MYO5B: variants seen among roughly 807,000 people sequenced by gnomAD.
MYO5B encodes unconventional myosin-Vb.
Under a neutral mutation model 229.3 loss-of-function variants are expected in MYO5B, and 143 were observed. That is an observed-to-expected ratio of 0.62 (90% CI 0.54 to 0.72). MYO5B has a LOEUF of 0.72. Ranked by LOEUF, MYO5B falls within the 30% of genes least tolerant of loss-of-function variation. MYO5B has a pLI of 0.00. For synonymous variants in MYO5B, 918 were observed against 885.2 expected, an observed-to-expected ratio of 1.04 and a Z score of -0.66; for missense variants, 2,321 against 2,331.0, an observed-to-expected ratio of 1.00 and a Z score of 0.09.
At chr18:50,133,908 T>A (rs950351980) in intron 1 of MYO5B, among the ~76,000 whole-genome samples, 1 of 152,166 alleles carries the variant, frequency 6.6e-6, no homozygotes, top group Non-Finnish European at 1.5e-5. Context: ...CTTTGAGATA[T>A]CTTTAAGAGA....
chr18:49,999,457 A>G (rs992827395), intron 5 of MYO5B, among the ~76,000 whole-genome samples: 3 of 152,240 alleles, frequency 2.0e-5, no homozygotes, highest in Non-Finnish European at 2.9e-5. Flanking sequence ...CTACCAATGA[A>G]ATGTCAGAAA....
At chr18:50,061,881 T>A (rs891714639) in intron 1 of MYO5B, among the ~76,000 whole-genome samples, 3 of 152,218 alleles carry the variant, frequency 2.0e-5, no homozygotes, top group Non-Finnish European at 4.4e-5. Flanking sequence ...CTAACATAAG[T>A]AATCTTAAGT....
At chr18:50,116,040 G>T (rs1346559943) in intron 1 of MYO5B, among the ~76,000 whole-genome samples, 1 of 152,210 alleles carries the variant, frequency 6.6e-6, no homozygotes, top group Non-Finnish European at 1.5e-5. Flanking sequence ...TCTTCAGGGT[G>T]TAAGACACTA....
chr18:49,955,925 C>G (rs748874529), intron 12 of MYO5B, among the ~76,000 whole-genome samples: 2 of 152,212 alleles, frequency 1.3e-5, no homozygotes, highest in Non-Finnish European at 2.9e-5. Context: ...CTGGGGCAGA[C>G]AGAACCATGG....
At chr18:50,084,395 G>A (rs2031284414) in intron 1 of MYO5B, among the ~76,000 whole-genome samples, 1 of 152,126 alleles carries the variant, frequency 6.6e-6, no homozygotes, top group Non-Finnish European at 1.5e-5. Context: ...GCACAAAAAT[G>A]GTTATCCAGT....
intron 5 of MYO5B, among the ~76,000 whole-genome samples, chr18:49,997,105 A>C (rs2025995918): frequency 6.6e-6 from 1 of 151,840 alleles, no homozygotes; most frequent in African/African-American, 2.4e-5. Context: ...GTCTCTACTG[A>C]AAAATACAAA....
chr18:49,932,143 T>C (rs1169094865), intron 16 of MYO5B, among the ~76,000 whole-genome samples: 1 of 152,180 alleles, frequency 6.6e-6, no homozygotes, highest in African/African-American at 2.4e-5. Flanking sequence ...TCCTTAAAAG[T>C]ACTGCTCCTC....
chr18:50,074,231 A>G (rs1213500697), intron 1 of MYO5B, among the ~76,000 whole-genome samples: 2 of 152,202 alleles, frequency 1.3e-5, no homozygotes, highest in Admixed American at 6.5e-5. Flanking sequence ...CTTATTCGCT[A>G]TCATGAGAAT....
chr18:50,082,340 G>A (rs903921390), intron 1 of MYO5B, among the ~76,000 whole-genome samples: 9 of 152,176 alleles, frequency 5.9e-5, no homozygotes, highest in Non-Finnish European at 1.3e-4. Context: ...GGACCAACAG[G>A]TTGACCTGGA....
rs1299192967 is a variant in MYO5B, at chr18:49,854,633, C to T, written c.4023-986G>A. Among the ~76,000 whole-genome samples the T allele has an allele frequency of 3.3e-5, 5 of 152,166 alleles. No homozygotes were observed. The East Asian group carries it at 7.7e-4, about 23-fold the overall frequency. The stretch of plus-strand genomic sequence containing the variant: ...CCAGACATGGTTACATGGAAAAAAT[C>T]CACCCCAGTGTCTTCCAGGAATGCA... On this transcript the variant is annotated intron_variant, in intron 30 of 39. Coordinates refer to ENST00000285039, the MANE Select transcript of MYO5B (RefSeq NM_001080467.3).
Position 49,962,953 on chromosome 18 carries a change from T to C in MYO5B, c.1400A>G (p.Asn467Ser). The change falls in exon 11 of 40, where the codon AAC becomes AGC. Residue 467 changes from asparagine to serine, a missense_variant. Physicochemically the swap from Asn to Ser is conservative, Grantham distance 46 (BLOSUM62 1). Around this residue, in one of 2 missense-constraint regions of MYO5B, gnomAD observed 2,113 missense variants for 2,044.7 expected, o/e 1.03. Coordinates refer to ENST00000285039, the MANE Select transcript of MYO5B (RefSeq NM_001080467.3). ...AGGTCTAGAAACCAAGCCTACCGAG[T>C]TGAACTGCTGCTGGAGCTTTTCATT... ...YANEKLQQQFNSHVFKLEQEE... is the reference protein window; with the variant it reads ...YANEKLQQQFSSHVFKLEQEE... 1 of 1,613,810 alleles carries C rather than the reference T, an allele frequency of 6.2e-7. No individual in the cohort carries two copies. Among genetic ancestry groups the C allele is most frequent in the Non-Finnish European group, 8.5e-7 (1 of 1,179,784 alleles).
chr18:50,053,066 G>T (rs562455755), intron 2 of MYO5B, among the ~76,000 whole-genome samples: 1 of 152,200 alleles, frequency 6.6e-6, no homozygotes, highest in East Asian at 1.9e-4. Flanking sequence ...CAGCTTCAGA[G>T]GAGACTCTCT....
At position 49,904,090 on chromosome 18, in the gene MYO5B, G is replaced by A. The variant is rs376999250; in HGVS notation, c.2571+582C>T. 4.6e-5 allele frequency among the ~76,000 whole-genome samples: 7 copies of A among 152,362 alleles called. No individual in the cohort carries two copies. The East Asian group carries it at 1.3e-3, about 29-fold the overall frequency. ...GAGCAACTCAGGTATCAGAAGGGGT[G>A]TGAAAACTGCCATGATTGGATGCTG... On this transcript the variant is annotated intron_variant, in intron 20 of 39. Coordinates refer to ENST00000285039, the MANE Select transcript of MYO5B (RefSeq NM_001080467.3).
chr18:49,912,290 C>T lies in MYO5B; in HGVS notation c.2091-117G>A, dbSNP rs2276167. ...CAACACTGTGGCACAAAGTCATTCT[C>T]AGAGCAGCAAAGAACAGTCCCAGGG... On this transcript the variant is annotated intron_variant, in intron 17 of 39. Coordinates refer to ENST00000285039, the MANE Select transcript of MYO5B (RefSeq NM_001080467.3). The T allele has an allele frequency of 0.081, 65,552 of 813,586 alleles. 7,057 individuals are homozygous for T. The highest frequency in any genetic ancestry group is 0.36 in the East Asian group (14,538 of 40,672). The allele number at this position is 813,586 out of a possible 1,614,324, so 50.4% of individuals were successfully genotyped here. A position where few individuals can be genotyped will look rare whatever the true frequency, so the allele number is the denominator to read the frequency against.
intron 35 of MYO5B, 99 bp from the exon 36 acceptor site, chr18:49,839,393 G>A (rs1393047852): frequency 7.1e-7 from 1 of 1,409,876 alleles, no homozygotes; most frequent in African/African-American, 1.4e-5. Context: ...TTGGTGGGCA[G>A]GGGGCCTACT....
intron 26 of MYO5B, among the ~76,000 whole-genome samples, chr18:49,874,960 G>C (rs976492632): frequency 7.2e-5 from 11 of 152,124 alleles, no homozygotes; most frequent in African/African-American, 2.4e-4. Flanking sequence ...CTTTTCACCT[G>C]TGTTATGTCT....
At chr18:49,962,468 C>G (rs1186062328) in intron 11 of MYO5B, 62 bp from the exon 12 acceptor site, 30 of 1,609,874 alleles carry the variant, frequency 1.9e-5, no homozygotes, top group Non-Finnish European at 2.5e-5. Flanking sequence ...TCACCTCCCC[C>G]AGGGGCTCAG....
At chr18:50,180,493 T>G (rs1314305813) in intron 1 of MYO5B, among the ~76,000 whole-genome samples, 2 of 152,208 alleles carry the variant, frequency 1.3e-5, no homozygotes, top group Admixed American at 6.5e-5. Context: ...ACCTCTGTTT[T>G]CCAGTCCTCC....
At chr18:50,104,962 G>C (rs1163179062) in intron 1 of MYO5B, among the ~76,000 whole-genome samples, 1 of 152,064 alleles carries the variant, frequency 6.6e-6, no homozygotes, top group East Asian at 1.9e-4. Flanking sequence ...TTGGGATGGA[G>C]CACTCTGGAG....
Sources: gnomAD v4.1 joint callset for allele counts (sites outside exome capture counted in the v4.1 genomes callset) on GRCh38, gnomAD v4.1.1 for gene constraint, gnomAD v4.1.1 regional missense constraint, MANE v1.5 for transcripts, NCBI Gene and HGNC (gene_info 2026-07-23, HGNC 2026-07-21) for gene names.